The following TUSC3 variants were observed in gnomAD, a reference collection of about 807,000 sequenced individuals.
The protein encoded by TUSC3 is dolichyl-diphosphooligosaccharide--protein glycosyltransferase subunit TUSC3.
A neutral mutation model predicts 44.8 loss-of-function variants in TUSC3; 45 were observed. The ratio of observed to expected loss-of-function variants is 1.00; its 90% CI spans 0.79 to 1.29. The LOEUF (loss-of-function observed/expected upper bound fraction) is 1.29. Ranked by LOEUF, TUSC3 falls within the 50% of genes most tolerant of loss-of-function variation. The probability of loss-of-function intolerance (pLI) is 0.00; values close to 1 mark genes in which losing one functional copy is unlikely to be tolerated. For synonymous variants in TUSC3, 212 were observed against 152.9 expected (o/e 1.39, Z -2.85); for missense variants, 519 against 437.9 (o/e 1.19, Z -1.65).
At chr8:15,435,807 G>C (rs1799938714) in intron 1 of TUSC3, among the ~76,000 whole-genome samples, 1 of 152,154 alleles carries the variant, frequency 6.6e-6, no homozygotes, top group South Asian at 2.1e-4. Flanking sequence ...TCCATATAGA[G>C]TTTAATGAAC....
the TUSC3 span, among the ~76,000 whole-genome samples, chr8:15,835,115 CTT>C: frequency 9.2e-5 from 14 of 152,154 alleles, no homozygotes; most frequent in African/African-American, 2.4e-5. Flanking sequence ...TCTTCAGTAA[CTT>C]TTAATTTTTC....
intron 6 of TUSC3, among the ~76,000 whole-genome samples, chr8:15,708,495 T>C (rs1235766937): frequency 6.6e-6 from 1 of 151,850 alleles, no homozygotes; most frequent in Non-Finnish European, 1.5e-5. Flanking sequence ...TAAATGAAAG[T>C]GTGGTAGTGA....
At chr8:15,847,865 A>C in the TUSC3 span, among the ~76,000 whole-genome samples, 1 of 152,162 alleles carries the variant, frequency 6.6e-6, no homozygotes, top group Non-Finnish European at 1.5e-5. Context: ...TGAGCGAATA[A>C]GCCTTAATTT....
At chr8:15,497,769 A>G (rs1845611) in intron 2 of TUSC3, among the ~76,000 whole-genome samples, 144,154 of 151,112 alleles carry the variant, frequency 0.95, 69,033 homozygotes, top group Non-Finnish European at 1. Context: ...TTTTGAGACA[A>G]AGTCTCGCTC....
chr8:15,545,116 C>T lies in TUSC3; in HGVS notation c.138+4548C>T, dbSNP rs1010494424. Among the ~76,000 whole-genome samples, 6 of 151,544 alleles carry T rather than the reference C, an allele frequency of 4.0e-5. 1 individual carries two copies. Among genetic ancestry groups the T allele is most frequent in the Non-Finnish European group, 5.9e-5 (4 of 67,818 alleles). On this transcript the variant is annotated intron_variant, in intron 1 of 10. Coordinates refer to ENST00000503731, the MANE Select transcript of TUSC3 (RefSeq NM_006765.4). Reference sequence around the variant, plus strand: ...GGAAATTAAAATTCAGAGAGTTTGTCATATGCCTGATGTCGTACAGTTAGA... The same window carrying T: ...GGAAATTAAAATTCAGAGAGTTTGTTATATGCCTGATGTCGTACAGTTAGA...
At chr8:15,810,359 C>G in the TUSC3 span, among the ~76,000 whole-genome samples, 34,275 of 151,990 alleles carry the variant, frequency 0.23, 4,306 homozygotes, top group Middle Eastern at 0.32. Context: ...AAATCAAGGC[C>G]AGGAATGGTG....
At chr8:15,738,433 C>G (rs1299494607) in intron 7 of TUSC3, among the ~76,000 whole-genome samples, 1 of 152,158 alleles carries the variant, frequency 6.6e-6, no homozygotes, top group South Asian at 2.1e-4. Flanking sequence ...CAGGCCCAAT[C>G]CAACCTGCCT....
chr8:15,792,054 G>A, the TUSC3 span, among the ~76,000 whole-genome samples: 11 of 152,074 alleles, frequency 7.2e-5, no homozygotes, highest in African/African-American at 2.4e-4. Flanking sequence ...TCATGGGTTG[G>A]ATGTCTGTTT....
At chr8:15,465,671 T>A (rs966397764) in intron 1 of TUSC3, among the ~76,000 whole-genome samples, 7 of 152,186 alleles carry the variant, frequency 4.6e-5, no homozygotes, top group Non-Finnish European at 1.0e-4. Flanking sequence ...TGTAAAACTT[T>A]TATCTGCAAA....
chr8:15,668,162 G>A (rs1807761910), intron 5 of TUSC3, among the ~76,000 whole-genome samples: 1 of 151,710 alleles, frequency 6.6e-6, no homozygotes, highest in South Asian at 2.1e-4. Flanking sequence ...ATTGTGCCTG[G>A]CATGTAGAAA....
At chr8:15,828,053 G>A in the TUSC3 span, among the ~76,000 whole-genome samples, 1 of 149,330 alleles carries the variant, frequency 6.7e-6, no homozygotes, top group East Asian at 2.0e-4. Context: ...GGAGTGCAGT[G>A]GCACGATCTT....
the TUSC3 span, among the ~76,000 whole-genome samples, chr8:15,802,433 C>CT: frequency 2.0e-5 from 3 of 151,936 alleles, no homozygotes; most frequent in African/African-American, 7.3e-5. Flanking sequence ...AATTTCTTTT[C>CT]TTTTTTTGAG....
At chr8:15,802,119 C>G in the TUSC3 span, among the ~76,000 whole-genome samples, 4 of 152,182 alleles carry the variant, frequency 2.6e-5, no homozygotes, top group African/African-American at 9.6e-5. Flanking sequence ...AGACACACCA[C>G]GTAAGAGTAG....
At chr8:15,844,177 ATC>A in the TUSC3 span, among the ~76,000 whole-genome samples, 1 of 146,204 alleles carries the variant, frequency 6.8e-6, no homozygotes, top group African/African-American at 2.8e-5. Flanking sequence ...CAAAAAAAAT[ATC>A]TCTTTGTTGT....
intron 2 of TUSC3, among the ~76,000 whole-genome samples, chr8:15,504,013 C>CAA (rs11330340): frequency 9.6e-4 from 109 of 113,084 alleles, no homozygotes; most frequent in Admixed American, 1.8e-3. Context: ...GACTCTGTCT[C>CAA]AAAAAAAAAA....
chr8:15,634,576 C>T (rs182776299), intron 2 of TUSC3, among the ~76,000 whole-genome samples: 2 of 152,262 alleles, frequency 1.3e-5, no homozygotes, highest in Admixed American at 6.5e-5. Context: ...GTTCAGACCC[C>T]ACTGGTTGAA....
chr8:15,840,389 A>T, the TUSC3 span, among the ~76,000 whole-genome samples: 1 of 151,920 alleles, frequency 6.6e-6, no homozygotes, highest in Admixed American at 6.6e-5. Context: ...AAAAAAATAA[A>T]TCAATAAATA....
At chr8:15,649,129 C>T (rs909165877) in intron 2 of TUSC3, among the ~76,000 whole-genome samples, 2 of 152,128 alleles carry the variant, frequency 1.3e-5, no homozygotes, top group African/African-American at 4.8e-5. Context: ...CTTCCATTTT[C>T]ATGTTTTCTG....
At chr8:15,755,316 T>G (rs1026842356) in intron 9 of TUSC3, among the ~76,000 whole-genome samples, 24 of 152,176 alleles carry the variant, frequency 1.6e-4, no homozygotes, top group African/African-American at 5.5e-4. Flanking sequence ...CTTAGCACAT[T>G]GCCTGGTACA....
Sources: allele counts gnomAD v4.1 joint callset (sites outside exome capture counted in the v4.1 genomes callset), GRCh38; gene constraint gnomAD v4.1.1; transcripts MANE v1.5; gene names NCBI Gene and HGNC (gene_info 2026-07-23, HGNC 2026-07-21).